Variants in TTC12 observed in about 807,000 individuals in gnomAD.
TTC12 encodes tetratricopeptide repeat domain 12.
A neutral mutation model predicts 90.1 loss-of-function variants in TTC12; 70 were observed. The ratio of observed to expected loss-of-function variants is 0.78; its 90% CI spans 0.64 to 0.95. The LOEUF (loss-of-function observed/expected upper bound fraction) is 0.95, where lower values mean the gene tolerates loss of function less well. TTC12 is among the 40% of genes least tolerant of loss of function. The probability of loss-of-function intolerance (pLI) is 0.00; values close to 1 mark genes in which losing one functional copy is unlikely to be tolerated. For synonymous variants in TTC12, 296 were observed against 311.5 expected, an observed-to-expected ratio of 0.95 and a Z score of 0.53; for missense variants, 819 against 846.1, an observed-to-expected ratio of 0.97 and a Z score of 0.40.
intron 6 of TTC12, among the ~76,000 whole-genome samples, chr11:113,326,344 T>C (rs1232124307): frequency 2.0e-5 from 3 of 152,120 alleles, no homozygotes; most frequent in African/African-American, 7.2e-5. Context: ...AGTTTAGTTT[T>C]TGTGTGGTAG....
At position 113,324,481 on chromosome 11, in the gene TTC12, C is replaced by T. The variant is rs1947556450; in HGVS notation, c.245-124C>T. On this transcript the variant is annotated intron_variant, in intron 4 of 21. Transcript: ENST00000529221. ...TAGTTGCCTCAGAATGGTGTGTGTG[C>T]GTGTGTGTGCCTGTGTGCATATGCA... 18 of 665,432 alleles carry T rather than the reference C, an allele frequency of 2.7e-5. No individual in the cohort carries two copies. In the South Asian group the frequency reaches 2.9e-4, roughly 11 times the overall value. The allele number at this position is 665,432 out of a possible 1,614,324, so 41.2% of individuals were successfully genotyped here.
At chr11:113,324,078 T>A in intron 4 of TTC12, 63 bp downstream of exon 4, 1 of 1,351,430 alleles carries the variant, frequency 7.4e-7, no homozygotes, top group South Asian at 1.2e-5. Flanking sequence ...TGATTGATTG[T>A]AGCTCCCAGA....
intron 4 of TTC12, 89 bp from the exon 5 acceptor site, chr11:113,324,516 C>A: frequency 9.4e-7 from 1 of 1,062,466 alleles, no homozygotes; most frequent in Non-Finnish European, 1.4e-6. Flanking sequence ...ATACGTGTGG[C>A]TCTAAAGTAA....
At chr11:113,349,481 GT>G (rs1949149519) in intron 13 of TTC12, among the ~76,000 whole-genome samples, 1 of 152,296 alleles carries the variant, frequency 6.6e-6, no homozygotes, top group East Asian at 1.9e-4. Context: ...GTGTTAGACT[GT>G]TTGCTCATTT....
chr11:113,323,895 CTT>C, intron 3 of TTC12, 97 bp from the exon 4 acceptor site: 1 of 928,256 alleles, frequency 1.1e-6, no homozygotes, highest in Non-Finnish European at 1.7e-6. Flanking sequence ...GAAATGACCT[CTT>C]GTTTGTAATT....
intron 18 of TTC12, 40 bp downstream of exon 18, chr11:113,360,048 G>A (rs1555154227): frequency 1.3e-6 from 1 of 779,830 alleles, no homozygotes. Context: ...AGCTTCCATT[G>A]TTCTTGTTTT....
intron 1 of TTC12, 175 bp downstream of exon 1, chr11:113,314,793 G>T (rs1280001514): frequency 6.6e-6 from 1 of 152,456 alleles, no homozygotes; most frequent in Non-Finnish European, 1.5e-5. Context: ...GGACGCCTGG[G>T]AGCGGTTGCT....
chr11:113,352,906 G>A (rs7950744), intron 16 of TTC12, among the ~76,000 whole-genome samples: 2,049 of 152,266 alleles, frequency 0.013, 44 homozygotes, highest in African/African-American at 0.046. Context: ...TAGTGCTGCA[G>A]TGAACATATA....
At chr11:113,340,906 T>C (rs1048688643) in intron 11 of TTC12, among the ~76,000 whole-genome samples, 173 bp downstream of exon 11, 6 of 152,180 alleles carry the variant, frequency 3.9e-5, no homozygotes, top group Non-Finnish European at 7.3e-5. Context: ...CTTTGAGTGC[T>C]TTCCCTCAAG....
chr11:113,370,525 A>T (rs1447777392), downstream of TTC12, among the ~76,000 whole-genome samples: 1 of 152,230 alleles, frequency 6.6e-6, no homozygotes, highest in Non-Finnish European at 1.5e-5. Context: ...CCTTTTAATA[A>T]GACTCCTAAT....
intron 8 of TTC12, 86 bp downstream of exon 8, chr11:113,335,123 G>T: frequency 5.1e-6 from 5 of 983,164 alleles, no homozygotes; most frequent in Non-Finnish European, 8.1e-6. Context: ...GATTCTCCAA[G>T]CTGATTAGGT....
At chr11:113,327,965 A>G (rs1230546924) in intron 6 of TTC12, among the ~76,000 whole-genome samples, 1 of 151,978 alleles carries the variant, frequency 6.6e-6, no homozygotes, top group Non-Finnish European at 1.5e-5. Flanking sequence ...GCTGTTGCCT[A>G]CTCCCTCCTC....
chr11:113,367,154 G>A (rs1950244394), downstream of TTC12, among the ~76,000 whole-genome samples: 1 of 152,202 alleles, frequency 6.6e-6, no homozygotes. Flanking sequence ...TCCAATAAGT[G>A]GCATTATCTC....
rs781792633 is a variant in TTC12, at chr11:113,339,304, A to G, written c.656A>G (p.Asp219Gly). The change falls in exon 10 of 22, where the codon GAT (aspartate) becomes GGT (glycine). Residue 219 changes from aspartate (D) to glycine (G), a missense_variant. Physicochemically the swap from Asp to Gly is moderately conservative, Grantham distance 94. Transcript: ENST00000529221. ...TQVKGYLNQV[D>G]LQEKADLQEK... The stretch of plus-strand genomic sequence containing the variant: ...TTTCTAGGTTACCTGAATCAAGTAG[A>G]TCTTCAGGAAAAAGCAGACCTTCAA... 1 of 1,607,062 alleles carries G rather than the reference A, an allele frequency of 6.2e-7. No homozygotes were observed. The highest frequency in any genetic ancestry group is 1.7e-5 in the Admixed American group (1 of 57,536).
chr11:113,342,576 T>C (rs11214580), intron 12 of TTC12, among the ~76,000 whole-genome samples: 26,976 of 152,164 alleles, frequency 0.18, 2,912 homozygotes, highest in East Asian at 0.45. Flanking sequence ...TAGCTATGTC[T>C]CCTTTTCACA....
chr11:113,326,292 A>G (rs1327719457), intron 6 of TTC12, among the ~76,000 whole-genome samples: 1 of 152,206 alleles, frequency 6.6e-6, no homozygotes, highest in African/African-American at 2.4e-5. Context: ...ATAGCTCTCA[A>G]CTGAAACAAA....
chr11:113,324,332 T>C (rs541364652), intron 4 of TTC12: 3 of 536,468 alleles, frequency 5.6e-6, no homozygotes, highest in East Asian at 3.1e-5. Flanking sequence ...AACAAAAAAA[T>C]CTCTCTTCAA....
rs572916910 is a variant in TTC12, at chr11:113,347,475, A to G, written c.1155-2598A>G. On this transcript the variant is annotated intron_variant, in intron 13 of 21. Transcript: ENST00000529221. Reference sequence around the variant, plus strand: ...ACTGAGTGGAGGAAGTCTTTCCCCAATTAGCGAGAGGCTGTGGATCTCACC... The same window carrying G: ...ACTGAGTGGAGGAAGTCTTTCCCCAGTTAGCGAGAGGCTGTGGATCTCACC... 8.5e-5 allele frequency among the ~76,000 whole-genome samples: 13 copies of G among 152,266 alleles called. No homozygotes were observed. The South Asian group carries it at 1.0e-3, about 12-fold the overall frequency.
rs1243925669 is a variant in TTC12 at position 113,366,126 on chromosome 11, GT to G, written c.2043-97del. 9 of 1,325,600 alleles carry G rather than the reference GT, an allele frequency of 6.8e-6. No homozygotes were observed. The East Asian group carries it at 2.1e-4, about 31-fold the overall frequency. 82.1% of individuals were successfully genotyped at this position (1,325,600 alleles called of 1,614,324 possible). On this transcript the variant is annotated intron_variant, in intron 21 of 21. Transcript: ENST00000529221. Reference sequence around the variant, plus strand: ...TTCCACCCAGAGTGATAGGACTGACGTTCTCAGCCAGCTTCCATCTGAGAGG... The same window carrying G: ...TTCCACCCAGAGTGATAGGACTGACGTCTCAGCCAGCTTCCATCTGAGAGG...
Sources: gnomAD v4.1 joint callset for allele counts (sites outside exome capture counted in the v4.1 genomes callset) on GRCh38, gnomAD v4.1.1 for gene constraint, MANE v1.5 for transcripts, NCBI Gene and HGNC (gene_info 2026-07-23, HGNC 2026-07-21) for gene names.